Variants in GRAMD1B observed in about 807,000 individuals in gnomAD.
GRAMD1B encodes the protein GRAM domain containing 1B.
In GRAMD1B, 37 loss-of-function variants were observed where a neutral mutation model predicts 99.7. The ratio of observed to expected loss-of-function variants is 0.37; its 90% CI spans 0.29 to 0.49. The LOEUF (loss-of-function observed/expected upper bound fraction) is 0.49. GRAMD1B is among the 20% of genes least tolerant of loss of function. The pLI, the probability that GRAMD1B is intolerant of heterozygous loss-of-function variation, is 0.98. For synonymous variants in GRAMD1B, 427 were observed against 387.6 expected, an observed-to-expected ratio of 1.10 and a Z score of -1.19; for missense variants, 888 against 1,009.2, an observed-to-expected ratio of 0.88 and a Z score of 1.63.
intron 3 of GRAMD1B, 85 bp from the exon 4 acceptor site, chr11:123,584,227 C>A (rs75440287): frequency 1.3e-6 from 1 of 753,330 alleles, no homozygotes; most frequent in Non-Finnish European, 2.3e-6. Flanking sequence ...GCCCACCCTC[C>A]GCTGTCTGTG....
chr11:123,603,370 G>T (rs1296505425), intron 8 of GRAMD1B, 56 bp from the exon 9 acceptor site: 23 of 1,063,938 alleles, frequency 2.2e-5, no homozygotes, highest in African/African-American at 3.1e-5. Context: ...GTGCCTCTGT[G>T]CAGAGTCGGG....
intron 1 of GRAMD1B, among the ~76,000 whole-genome samples, chr11:123,478,501 C>T (rs780659542): frequency 9.9e-5 from 15 of 152,182 alleles, no homozygotes; most frequent in Non-Finnish European, 1.0e-4. Context: ...CAGAGAGGGG[C>T]GCCAGAAAGG....
intron 2 of GRAMD1B, among the ~76,000 whole-genome samples, chr11:123,570,970 G>A (rs1948008306): frequency 6.6e-6 from 1 of 152,132 alleles, no homozygotes; most frequent in African/African-American, 2.4e-5. Context: ...GTCCAGGTGT[G>A]GGGAGGGGGG....
At chr11:123,515,319 C>G (rs1486146445) in intron 2 of GRAMD1B, among the ~76,000 whole-genome samples, 7 of 152,118 alleles carry the variant, frequency 4.6e-5, no homozygotes, top group Non-Finnish European at 7.3e-5. Context: ...AAATTTGTGT[C>G]TGAGGTTAGG....
intron 1 of GRAMD1B, among the ~76,000 whole-genome samples, chr11:123,412,053 T>C (rs962199247): frequency 6.6e-6 from 1 of 152,212 alleles, no homozygotes; most frequent in Non-Finnish European, 1.5e-5. Context: ...ATGTAATACA[T>C]ATACATACAC....
At chr11:123,445,667 AT>A (rs1949605002) in intron 1 of GRAMD1B, among the ~76,000 whole-genome samples, 1 of 151,954 alleles carries the variant, frequency 6.6e-6, no homozygotes, top group Non-Finnish European at 1.5e-5. Context: ...AAATACAAAA[AT>A]TAGACAGGCA....
At chr11:123,493,281 G>A (rs560462530) in intron 2 of GRAMD1B, among the ~76,000 whole-genome samples, 116 of 152,312 alleles carry the variant, frequency 7.6e-4, no homozygotes, top group African/African-American at 2.6e-3. Flanking sequence ...GGAGCTTGTG[G>A]GGATTGAACT....
In GRAMD1B at chr11:123,608,762, G is replaced by A. The variant is rs144081962; in HGVS notation, c.1617G>A (p.Ser539=). 1.9e-4 allele frequency: 293 copies of A among 1,551,958 alleles called. No homozygotes were observed. The African/African-American group carries it at 3.0e-3, about 16-fold the overall frequency. The change falls in exon 12 of 20, where the codon TCG becomes TCA. Residue 539 remains serine, a synonymous_variant. Transcript: ENST00000635736. ...TCTATGACCTCCTCTTCACCAACTC[G>A]CCCTTCCAGCGGGATTTCATGGAGC... The part of the protein sequence containing the change: ...DKLYDLLFTN[S]PFQRDFMEQR...
chr11:123,622,556 C>T lies in GRAMD1B; in HGVS notation c.2595C>T (p.Tyr865=). Residue 865 remains tyrosine (Y), a synonymous_variant, in exon 20 of 20, where the codon TAC becomes TAT. Transcript: ENST00000635736. The part of the protein sequence containing the change: ...NLQNGIRSRD[Y]TSESEEKRNR... ...AGAACGGCATCAGGTCCCGCGACTA[C>T]ACGTCGGAAAGTGAAGAAAAGAGGA... is the stretch of plus-strand genomic sequence containing the variant. The T allele has an allele frequency of 6.4e-7, 1 of 1,558,518 alleles. No homozygotes were observed. Among genetic ancestry groups the T allele is most frequent in the Non-Finnish European group, 8.7e-7 (1 of 1,150,904 alleles).
intron 1 of GRAMD1B, among the ~76,000 whole-genome samples, chr11:123,391,403 C>G (rs1409782256): frequency 6.6e-6 from 1 of 152,258 alleles, no homozygotes; most frequent in Non-Finnish European, 1.5e-5. Flanking sequence ...ATTGAAATCT[C>G]TCTGCCGAGA....
chr11:123,489,293 T>C (rs1012728231), intron 2 of GRAMD1B, among the ~76,000 whole-genome samples: 1 of 152,172 alleles, frequency 6.6e-6, no homozygotes, highest in African/African-American at 2.4e-5. Flanking sequence ...GAACTACTCA[T>C]GGAGTGTGCC....
At chr11:123,372,261 C>T (rs1421155193) in intron 1 of GRAMD1B, among the ~76,000 whole-genome samples, 2 of 152,128 alleles carry the variant, frequency 1.3e-5, no homozygotes, top group Non-Finnish European at 2.9e-5. Context: ...ATGGTGAATT[C>T]TAGATAAGAA....
intron 1 of GRAMD1B, among the ~76,000 whole-genome samples, chr11:123,377,614 T>C (rs1946732687): frequency 1.3e-5 from 2 of 152,326 alleles, no homozygotes; most frequent in South Asian, 4.1e-4. Flanking sequence ...TGTCCTGCTC[T>C]GTTTATCTGT....
chr11:123,565,158 G>C (rs568111614), intron 2 of GRAMD1B, among the ~76,000 whole-genome samples: 145 of 151,380 alleles, frequency 9.6e-4, no homozygotes, highest in African/African-American at 3.4e-3. Context: ...CCCAACCCCT[G>C]AACAGCTGGG....
Position 123,619,208 on chromosome 11 carries a change from T to C in GRAMD1B, c.2528T>C (p.Val843Ala). 1 of 1,559,364 alleles carries C rather than the reference T, an allele frequency of 6.4e-7. No homozygotes were observed. ...QKWREIIKSSVMLLDQMKDSL... is the reference protein window; with the variant it reads ...QKWREIIKSSAMLLDQMKDSL... ...TGGAGGGAAATCATCAAATCCTCAG[T>C]GATGCTCCTTGACCAGGTGAGATGC... Residue 843 changes from valine to alanine, a missense_variant, in exon 19 of 20, where the codon GTG becomes GCG. Coordinates refer to ENST00000635736, the MANE Select transcript of GRAMD1B (RefSeq NM_001387025.1).
At chr11:123,546,166 A>G (rs1290811) in intron 2 of GRAMD1B, among the ~76,000 whole-genome samples, 9 of 152,060 alleles carry the variant, frequency 5.9e-5, no homozygotes, top group Admixed American at 5.9e-4. Context: ...CCACGCCCAA[A>G]TTGGTCCCCT....
chr11:123,363,916 G>C (rs12284677), intron 1 of GRAMD1B, among the ~76,000 whole-genome samples: 30,411 of 152,096 alleles, frequency 0.2, 7,036 homozygotes, highest in African/African-American at 0.57. Context: ...ATGCATGCCC[G>C]TTTGCACATA....
chr11:123,600,960 G>C (rs771985790), intron 8 of GRAMD1B, among the ~76,000 whole-genome samples: 1 of 152,148 alleles, frequency 6.6e-6, no homozygotes, highest in Non-Finnish European at 1.5e-5. Context: ...TTTGCAGGAA[G>C]GAGTAGGGGA....
chr11:123,489,421 G>C (rs1233603112), intron 2 of GRAMD1B, among the ~76,000 whole-genome samples: 1 of 152,152 alleles, frequency 6.6e-6, no homozygotes. Flanking sequence ...TATAGTTGAG[G>C]CGAGTCTCAG....
Sources: gnomAD v4.1 joint callset for allele counts (sites outside exome capture counted in the v4.1 genomes callset) on GRCh38, gnomAD v4.1.1 for gene constraint, MANE v1.5 for transcripts, NCBI Gene and HGNC (gene_info 2026-07-23, HGNC 2026-07-21) for gene names.